Variants in HYAL2 observed in about 807,000 individuals in gnomAD.
HYAL2 encodes the protein hyaluronidase 2, also known as hyaluronidase-2.
A neutral mutation model predicts 35.4 loss-of-function variants in HYAL2; 30 were observed. The observed-to-expected ratio is 0.85, with a 90% CI of 0.63 to 1.15. The LOEUF is 1.15. Ranked by LOEUF, HYAL2 falls within the 50% of genes most tolerant of loss-of-function variation. HYAL2 has a pLI of 0.00. For synonymous variants in HYAL2, 262 were observed against 252.8 expected, an observed-to-expected ratio of 1.04 and a Z score of -0.34; for missense variants, 635 against 646.5, an observed-to-expected ratio of 0.98 and a Z score of 0.19.
At position 50,318,720 on chromosome 3, in the gene HYAL2, C is replaced by T. The variant is rs1553715954; in HGVS notation, c.1012-181G>A. Reference sequence around the variant, plus strand: ...GCTGAGAAGTGGGTGGGGGTACAGACCGGAACCCAGTTGGGCAGATGGGGA... The same window carrying T: ...GCTGAGAAGTGGGTGGGGGTACAGATCGGAACCCAGTTGGGCAGATGGGGA... On this transcript the variant is annotated intron_variant, in intron 3 of 3. Transcript: ENST00000357750. This position sits in a 1 kb window ranked among gnomAD's most constrained non-coding sequence, Gnocchi z 4.5. 1.4e-6 allele frequency: 1 copy of T among 712,556 alleles called. No homozygotes were observed. Among genetic ancestry groups the T allele is most frequent in the African/African-American group, 1.8e-5 (1 of 56,052 alleles). 44.1% of individuals were successfully genotyped at this position (712,556 alleles called of 1,614,324 possible).
chr3:50,318,917 T>C lies in HYAL2; in HGVS notation c.1011+39A>G. Reference sequence around the variant, plus strand: ...GCCAAAGGCCCTAACTCTCTGTCTGTCCCATAGACTGAGCTCTGGCAGGCT... The same window carrying C: ...GCCAAAGGCCCTAACTCTCTGTCTGCCCCATAGACTGAGCTCTGGCAGGCT... On this transcript the variant is annotated intron_variant, in intron 3 of 3. Coordinates refer to ENST00000357750, the MANE Select transcript of HYAL2 (RefSeq NM_003773.5). This position sits in a 1 kb window ranked among gnomAD's most constrained non-coding sequence, Gnocchi z 4.5. The C allele has an allele frequency of 1.3e-6, 2 of 1,557,572 alleles. No homozygotes were observed. The highest frequency in any genetic ancestry group is 1.8e-6 in the Non-Finnish European group (2 of 1,128,858).
rs1702659230 is a variant in HYAL2, at chr3:50,320,367, G to A, written c.123C>T (p.Asp41=). Residue 41 remains aspartate (D), a synonymous_variant, in exon 2 of 4, where the codon GAC becomes GAT. Transcript: ENST00000357750. The surrounding 1 kb of genome is among the most constrained non-coding windows in gnomAD (Gnocchi z 4.8). ...FTGRPFVVAW[D]VPTQDCGPRL... ...GTGGGCCACAGTCCTGTGTGGGCAC[G>A]TCCCACGCTACCACAAAGGGCCGGC... 1 of 1,613,204 alleles carries A rather than the reference G, an allele frequency of 6.2e-7. No individual in the cohort carries two copies. The highest frequency in any genetic ancestry group is 8.5e-7 in the Non-Finnish European group (1 of 1,179,698).
Position 50,319,917 on chromosome 3 carries a change from C to G in HYAL2, c.573G>C (p.Leu191=). 6.2e-7 allele frequency: 1 copy of G among 1,613,744 alleles called. No homozygotes were observed. Among genetic ancestry groups the G allele is most frequent in the Non-Finnish European group, 8.5e-7 (1 of 1,180,046 alleles). Residue 191 remains leucine (L), a synonymous_variant, in exon 2 of 4, where the codon CTG becomes CTC. Transcript: ENST00000357750. Reference sequence around the variant, plus strand: ...GGGGCCGCACTGCCTTGACATAACGCAGTGTCTCCAGCATGAACTGCTGTG... The same window carrying G: ...GGGGCCGCACTGCCTTGACATAACGGAGTGTCTCCAGCATGAACTGCTGTG... The part of the protein sequence containing the change: ...FAAQQFMLET[L]RYVKAVRPRH...
At chr3:50,319,520 G>C in intron 2 of HYAL2, 49 bp downstream of exon 2, 1 of 1,518,856 alleles carries the variant, frequency 6.6e-7, no homozygotes, top group Admixed American at 2.0e-5. Flanking sequence ...CAAATGTGCA[G>C]TGGATCCTCA....
In HYAL2 at chr3:50,320,796, G is replaced by C; in HGVS notation, c.-46-261C>G. On this transcript the variant is annotated intron_variant, in intron 1 of 3. Transcript: ENST00000357750. This position sits in a 1 kb window ranked among gnomAD's most constrained non-coding sequence, Gnocchi z 4.8. ...AGGTCTGTGACCCTTCTAAGAACTA[G>C]ATAATTTGGGCTCACCAGAGTCACA... 1 of 370,898 alleles carries C rather than the reference G, an allele frequency of 2.7e-6. No homozygotes were observed. The highest frequency in any genetic ancestry group is 4.9e-6 in the Non-Finnish European group (1 of 205,278). The allele number at this position is 370,898 out of a possible 1,614,324, so 23.0% of individuals were successfully genotyped here. A position where few individuals can be genotyped will look rare whatever the true frequency, so the allele number is the denominator to read the frequency against.
In HYAL2 at chr3:50,318,761, A is replaced by C; in HGVS notation, c.1011+195T>G. The C allele has an allele frequency of 1.5e-6, 1 of 662,774 alleles. No homozygotes were observed. The highest frequency in any genetic ancestry group is 1.9e-5 in the South Asian group (1 of 53,694). 41.1% of individuals were successfully genotyped at this position (662,774 alleles called of 1,614,324 possible). The stretch of plus-strand genomic sequence containing the variant: ...CAGATGGGGAAGGGCGGAACTCAAC[A>C]GCTGTTCAGGACAGCATTTCCTCTT... On this transcript the variant is annotated intron_variant, in intron 3 of 3. Coordinates refer to ENST00000357750, the MANE Select transcript of HYAL2 (RefSeq NM_003773.5). The surrounding 1 kb of genome is among the most constrained non-coding windows in gnomAD (Gnocchi z 4.5).
At position 50,319,801 on chromosome 3, in the gene HYAL2, A is replaced by G. The variant is rs782462647; in HGVS notation, c.689T>C (p.Val230Ala). The G allele has an allele frequency of 6.2e-7, 1 of 1,613,816 alleles. No individual in the cohort carries two copies. The highest frequency in any genetic ancestry group is 8.5e-7 in the Non-Finnish European group (1 of 1,180,030). ...WESYTGRCPD[V>A]EVARNDQLAW... is the part of the protein sequence containing the mutation. ...CAGCTGGTCATTGCGGGCCACCTCA[A>G]CATCAGGGCAGCGGCCTGTGTAGCT... is the stretch of plus-strand genomic sequence containing the variant. The change falls in exon 2 of 4, where the codon GTT (valine) becomes GCT (alanine). Residue 230 changes from valine to alanine, a missense_variant. Coordinates refer to ENST00000357750, the MANE Select transcript of HYAL2 (RefSeq NM_003773.5).
rs1279275644 is a variant in HYAL2 at position 50,318,882 on chromosome 3, G to C, written c.1011+74C>G. The stretch of plus-strand genomic sequence containing the variant: ...GGGACCAGACTAGGATTGCCCACCT[G>C]AGGTTGGTAGCCAAAGGCCCTAACT... On this transcript the variant is annotated intron_variant, in intron 3 of 3. Transcript: ENST00000357750. The surrounding 1 kb of genome is among the most constrained non-coding windows in gnomAD (Gnocchi z 4.5). 4.5e-6 allele frequency: 6 copies of C among 1,322,410 alleles called. No homozygotes were observed. The African/African-American group carries it at 7.2e-5, about 16-fold the overall frequency. 81.9% of individuals were successfully genotyped at this position (1,322,410 alleles called of 1,614,324 possible).
intron 2 of HYAL2, 38 bp from the exon 3 acceptor site, chr3:50,319,083 G>C (rs781895117): frequency 1.4e-6 from 2 of 1,469,150 alleles, no homozygotes; most frequent in East Asian, 4.6e-5. Flanking sequence ...GGAAGACTGA[G>C]ACCACAGGGT....
At chr3:50,319,300 A>G (rs1252947832) in intron 2 of HYAL2, among the ~76,000 whole-genome samples, 1 of 152,216 alleles carries the variant, frequency 6.6e-6, no homozygotes, top group African/African-American at 2.4e-5. Context: ...TGGATTCCAA[A>G]GTTAGAAGGC....
At position 50,320,397 on chromosome 3, in the gene HYAL2, G is replaced by C; in HGVS notation, c.93C>G (p.Phe31Leu). The C allele has an allele frequency of 6.2e-7, 1 of 1,611,038 alleles. No homozygotes were observed. The highest frequency in any genetic ancestry group is 2.2e-5 in the East Asian group (1 of 44,856). ...ACGCTACCACAAAGGGCCGGCCAGT[G>C]AAGATGGGTGGTGCTGTGGGCTTGA... ...MELKPTAPPIFTGRPFVVAWD... is the reference protein window; with the variant it reads ...MELKPTAPPILTGRPFVVAWD... The change falls in exon 2 of 4, where the codon TTC becomes TTG. Residue 31 changes from phenylalanine to leucine, a missense_variant. Physicochemically the swap from Phe to Leu is conservative, Grantham distance 22. Coordinates refer to ENST00000357750, the MANE Select transcript of HYAL2 (RefSeq NM_003773.5). The surrounding 1 kb of genome is among the most constrained non-coding windows in gnomAD (Gnocchi z 4.8).
Position 50,318,384 on chromosome 3 carries a change from G to A in HYAL2, c.1167C>T (p.Leu389=), listed in dbSNP as rs782697629. 5 of 1,613,254 alleles carry A rather than the reference G, an allele frequency of 3.1e-6. No individual in the cohort carries two copies. In the South Asian group the frequency reaches 3.3e-5, roughly 11 times the overall value. The change falls in exon 4 of 4, where the codon CTC becomes CTT. Residue 389 remains leucine, a synonymous_variant. Coordinates refer to ENST00000357750, the MANE Select transcript of HYAL2 (RefSeq NM_003773.5). This position sits in a 1 kb window ranked among gnomAD's most constrained non-coding sequence, Gnocchi z 4.5. ...GCACTAGGCGGAAACTGTTGGTGCTGAGATGCAGGAAGGTACTGGCACTGG... is the reference window on the plus strand; with the variant it reads ...GCACTAGGCGGAAACTGTTGGTGCTAAGATGCAGGAAGGTACTGGCACTGG... ...RNPSASTFLH[L]STNSFRLVPG...
chr3:50,320,123 T>A lies in HYAL2; in HGVS notation c.367A>T (p.Thr123Ser), dbSNP rs1294463705. The change falls in exon 2 of 4, where the codon ACA becomes TCA. Residue 123 changes from threonine to serine, a missense_variant. Thr to Ser is a moderately conservative substitution (Grantham distance 58). Transcript: ENST00000357750. The surrounding 1 kb of genome is among the most constrained non-coding windows in gnomAD (Gnocchi z 4.8). ...LQKRVEHYIR[T>S]QESAGLAVID... ...ACCGCCAGCCCCGCAGACTCCTGTG[T>A]CCGAATGTAGTGCTCCACACGTTTC... is the stretch of plus-strand genomic sequence containing the variant. 6.2e-7 allele frequency: 1 copy of A among 1,613,690 alleles called. No homozygotes were observed. Among genetic ancestry groups the A allele is most frequent in the Non-Finnish European group, 8.5e-7 (1 of 1,180,042 alleles).
In HYAL2 at chr3:50,320,259, G is replaced by A. The variant is rs782505803; in HGVS notation, c.231C>T (p.Ile77=). The change falls in exon 2 of 4, where the codon ATC becomes ATT. Residue 77 remains isoleucine, a synonymous_variant. Coordinates refer to ENST00000357750, the MANE Select transcript of HYAL2 (RefSeq NM_003773.5). This position sits in a 1 kb window ranked among gnomAD's most constrained non-coding sequence, Gnocchi z 4.8. ...ACAGGCCTAGACGGTCGCGGTAGAAGATGGTAATATTCTGGTTCACAAAAC... is the reference window on the plus strand; with the variant it reads ...ACAGGCCTAGACGGTCGCGGTAGAAAATGGTAATATTCTGGTTCACAAAAC... ...NEGFVNQNIT[I]FYRDRLGLYP... 10 of 1,613,934 alleles carry A rather than the reference G, an allele frequency of 6.2e-6. No individual in the cohort carries two copies. The African/African-American group carries it at 6.7e-5, about 11-fold the overall frequency.
At position 50,320,514 on chromosome 3, in the gene HYAL2, C is replaced by A; in HGVS notation, c.-25G>T. The A allele has an allele frequency of 6.6e-7, 1 of 1,504,408 alleles. No homozygotes were observed. Among genetic ancestry groups the A allele is most frequent in the Non-Finnish European group, 8.8e-7 (1 of 1,131,004 alleles). 93.2% of individuals were successfully genotyped at this position (1,504,408 alleles called of 1,614,324 possible). On this transcript the variant is annotated 5_prime_UTR_variant, in exon 2 of 4. In the 5' UTR this introduces an upstream ATG that the reference lacks. Transcript: ENST00000357750. The surrounding 1 kb of genome is among the most constrained non-coding windows in gnomAD (Gnocchi z 4.8). ...TGCTGGGGGCTGCAGGAGGTGTCAC[C>A]TGCCTGGCACCAGCTCAGGAACTGG...
intron 2 of HYAL2, 131 bp from the exon 3 acceptor site, chr3:50,319,176 A>T (rs781886411): frequency 8.1e-6 from 5 of 615,088 alleles, no homozygotes; most frequent in Non-Finnish European, 1.4e-5. Flanking sequence ...ACGTCCAGGC[A>T]GAGGCTCATT....
At position 50,318,481 on chromosome 3, in the gene HYAL2, T is replaced by A; in HGVS notation, c.1070A>T (p.Asn357Ile). The change falls in exon 4 of 4, where the codon AAT becomes ATT. Residue 357 changes from asparagine to isoleucine, a missense_variant. By Grantham distance (149) the Asn-to-Ile change is moderately radical. Transcript: ENST00000357750. The surrounding 1 kb of genome is among the most constrained non-coding windows in gnomAD (Gnocchi z 4.5). Reference protein sequence around the residue: ...LTRLLVPYVVNVSWATQYCSR... With the variant: ...LTRLLVPYVVIVSWATQYCSR... ...GCAATATTGGGTGGCCCAGGACACATTGACCACGTAGGGGACCAGCAGCCG... is the reference window on the plus strand; with the variant it reads ...GCAATATTGGGTGGCCCAGGACACAATGACCACGTAGGGGACCAGCAGCCG... 6.2e-7 allele frequency: 1 copy of A among 1,612,886 alleles called. No homozygotes were observed. The highest frequency in any genetic ancestry group is 1.3e-5 in the African/African-American group (1 of 75,054).
chr3:50,318,705 G>A lies in HYAL2; in HGVS notation c.1012-166C>T. On this transcript the variant is annotated intron_variant, in intron 3 of 3. Transcript: ENST00000357750. This position sits in a 1 kb window ranked among gnomAD's most constrained non-coding sequence, Gnocchi z 4.5. The stretch of plus-strand genomic sequence containing the variant: ...ACAGTCCCTGCTCCTGCTGAGAAGT[G>A]GGTGGGGGTACAGACCGGAACCCAG... 2.1e-5 allele frequency: 16 copies of A among 766,284 alleles called. No individual in the cohort carries two copies. In the South Asian group the frequency reaches 2.7e-4, roughly 13 times the overall value. 47.5% of individuals were successfully genotyped at this position (766,284 alleles called of 1,614,324 possible).
In HYAL2 at chr3:50,318,626, C is replaced by T; in HGVS notation, c.1012-87G>A. 8.1e-7 allele frequency: 1 copy of T among 1,234,030 alleles called. No individual in the cohort carries two copies. Among genetic ancestry groups the T allele is most frequent in the Non-Finnish European group, 1.1e-6 (1 of 875,156 alleles). 76.4% of individuals were successfully genotyped at this position (1,234,030 alleles called of 1,614,324 possible). A position where few individuals can be genotyped will look rare whatever the true frequency, so the allele number is the denominator to read the frequency against. Reference sequence around the variant, plus strand: ...GGAAACTGTGTCCACACTGTGATGACTATACCTTATTTTAACTGCACACAT... The same window carrying T: ...GGAAACTGTGTCCACACTGTGATGATTATACCTTATTTTAACTGCACACAT... On this transcript the variant is annotated intron_variant, in intron 3 of 3. Coordinates refer to ENST00000357750, the MANE Select transcript of HYAL2 (RefSeq NM_003773.5). This position sits in a 1 kb window ranked among gnomAD's most constrained non-coding sequence, Gnocchi z 4.5.
Sources: gnomAD v4.1 joint callset for allele counts (sites outside exome capture counted in the v4.1 genomes callset) on GRCh38, gnomAD v4.1.1 for gene constraint, Gnocchi (gnomAD v3.1) non-coding constraint, MANE v1.5 for transcripts, NCBI Gene and HGNC (gene_info 2026-07-23, HGNC 2026-07-21) for gene names.